The following UBE3B variants were observed in gnomAD, a reference collection of about 807,000 sequenced individuals.
UBE3B encodes ubiquitin-protein ligase E3B.
Under a neutral mutation model 132.3 loss-of-function variants are expected in UBE3B, and 80 were observed. The ratio of observed to expected loss-of-function variants is 0.60; its 90% confidence interval spans 0.50 to 0.73. UBE3B has a LOEUF of 0.73. UBE3B is among the 30% of genes least tolerant of loss of function. UBE3B has a pLI of 0.00. For synonymous variants in UBE3B, 487 were observed against 520.4 expected, an observed-to-expected ratio of 0.94 and a Z score of 0.87; for missense variants, 1,196 against 1,362.5, an observed-to-expected ratio of 0.88 and a Z score of 1.92.
chr12:109,489,832 C>T (rs1046876285), intron 7 of UBE3B, 87 bp from the exon 8 acceptor site: 27 of 1,263,932 alleles, frequency 2.1e-5, no homozygotes, highest in Non-Finnish European at 2.4e-5. Context: ...CTTAGGGCCT[C>T]GGATGTGGGA....
intron 7 of UBE3B, 76 bp from the exon 8 acceptor site, chr12:109,489,843 C>A: frequency 7.3e-7 from 1 of 1,378,200 alleles, no homozygotes; most frequent in Non-Finnish European, 1.0e-6. Flanking sequence ...GGATGTGGGA[C>A]ACAATTTCCT....
intron 9 of UBE3B, among the ~76,000 whole-genome samples, chr12:109,494,272 A>G (rs1566082411): frequency 2.6e-5 from 4 of 152,134 alleles, no homozygotes; most frequent in Admixed American, 2.0e-4. Context: ...TATTCTTTGT[A>G]CTTGCCTCAC....
chr12:109,490,527 C>A, intron 8 of UBE3B: 1 of 1,536,036 alleles, frequency 6.5e-7, no homozygotes, highest in Non-Finnish European at 8.7e-7. Flanking sequence ...GTTTCATATG[C>A]TCCTCACAAC....
intron 13 of UBE3B, 41 bp downstream of exon 13, chr12:109,501,575 G>A: frequency 6.3e-7 from 1 of 1,590,646 alleles, no homozygotes; most frequent in Non-Finnish European, 8.6e-7. Context: ...GCTCCACTTG[G>A]CTGAAGTACA....
At position 109,498,279 on chromosome 12, in the gene UBE3B, T is replaced by C; in HGVS notation, c.866T>C (p.Ile289Thr). Residue 289 changes from isoleucine (I) to threonine (T), a missense_variant, in exon 11 of 28, where the codon ATA (isoleucine) becomes ACA (threonine). Physicochemically the swap from Ile to Thr is moderately conservative, Grantham distance 89. Transcript: ENST00000342494. ...CATGACATGCTTCGTAAATTCATCA[T>C]ATTTTTAAGAGACCAAGATCGATGC... ...ESHDMLRKFI[I>T]FLRDQDRCRD... The C allele has an allele frequency of 6.2e-7, 1 of 1,614,180 alleles. No homozygotes were observed. The highest frequency in any genetic ancestry group is 1.1e-5 in the South Asian group (1 of 91,082).
chr12:109,541,123 G>T (rs748359838), downstream of UBE3B, among the ~76,000 whole-genome samples: 3 of 152,198 alleles, frequency 2.0e-5, no homozygotes, highest in African/African-American at 7.2e-5. Context: ...ATGTTCCAGC[G>T]TGGTCCACCT....
At chr12:109,518,209 C>A (rs528050259) in intron 19 of UBE3B, among the ~76,000 whole-genome samples, 2 of 152,088 alleles carry the variant, frequency 1.3e-5, no homozygotes, top group African/African-American at 4.8e-5. Flanking sequence ...ATAGCCCCCA[C>A]GAGTGAGTTG....
In UBE3B at chr12:109,511,238, G is replaced by A. The variant is rs766067011; in HGVS notation, c.1891G>A (p.Asp631Asn). The A allele has an allele frequency of 6.8e-6, 11 of 1,613,928 alleles. No homozygotes were observed. In the African/African-American group the frequency reaches 9.4e-5, roughly 14 times the overall value. ...ACCTAGCGTGCTCTTCCAAGAACTC[G>A]ACAGGGACAGAAAACGGGCACAGTT... The part of the protein sequence containing the change: ...LKPSVLFQEL[D>N]RDRKRAQLIL... The change falls in exon 18 of 28, where the codon GAC becomes AAC. Residue 631 changes from aspartate to asparagine, a missense_variant. Physicochemically the swap from Asp to Asn is conservative, Grantham distance 23 (BLOSUM62 1). Transcript: ENST00000342494.
chr12:109,501,853 G>A (rs1398514300), intron 13 of UBE3B, among the ~76,000 whole-genome samples: 1 of 151,568 alleles, frequency 6.6e-6, no homozygotes, highest in African/African-American at 2.4e-5. Flanking sequence ...TGTAGAGATG[G>A]GGGCCTTACC....
Position 109,521,049 on chromosome 12 carries a change from TA to T in UBE3B, c.2077-97del. 1 of 1,389,146 alleles carries T rather than the reference TA, an allele frequency of 7.2e-7. No individual in the cohort carries two copies. The highest frequency in any genetic ancestry group is 1.4e-5 in the African/African-American group (1 of 69,542). The allele number at this position is 1,389,146 out of a possible 1,614,324, so 86.1% of individuals were successfully genotyped here. On this transcript the variant is annotated intron_variant, in intron 19 of 27. Transcript: ENST00000342494. The surrounding 1 kb of genome is among the most constrained non-coding windows in gnomAD (Gnocchi z 4.2). ...CACGTTTCATAATTTGCACATTTGG[TA>T]ATGATGCTGGGAGAGCTTCGCACAG...
chr12:109,493,321 G>A (rs1278508334), intron 9 of UBE3B, among the ~76,000 whole-genome samples: 1 of 152,172 alleles, frequency 6.6e-6, no homozygotes, highest in Non-Finnish European at 1.5e-5. Context: ...AAGCTCAGGA[G>A]CAGCTCTGCC....
At position 109,478,098 on chromosome 12, in the gene UBE3B, G is replaced by A. The variant is rs751273435; in HGVS notation, c.-139G>A. ...GGAGTTCGAATACTGTTCGCTCGCTGTGTGACCTTGGGTGAGTTCCCTCAC... is the reference window on the plus strand; with the variant it reads ...GGAGTTCGAATACTGTTCGCTCGCTATGTGACCTTGGGTGAGTTCCCTCAC... On this transcript the variant is annotated 5_prime_UTR_variant, in exon 1 of 28. It adds an upstream start codon to the 5' untranslated region. Transcript: ENST00000342494. The A allele has an allele frequency of 1.1e-4, 17 of 153,412 alleles. No homozygotes were observed. The highest frequency in any genetic ancestry group is 3.4e-4 in the African/African-American group (14 of 41,490). The allele number at this position is 153,412 out of a possible 1,614,324, so 9.5% of individuals were successfully genotyped here.
At position 109,508,862 on chromosome 12, in the gene UBE3B, C is replaced by T. The variant is rs552167677; in HGVS notation, c.1623-734C>T. The T allele has an allele frequency of 1.9e-5, 10 of 532,002 alleles. No individual in the cohort carries two copies. In the South Asian group the frequency reaches 7.3e-4, roughly 39 times the overall value. The allele number at this position is 532,002 out of a possible 1,614,324, so 33.0% of individuals were successfully genotyped here. A position where few individuals can be genotyped will look rare whatever the true frequency, so the allele number is the denominator to read the frequency against. On this transcript the variant is annotated intron_variant, in intron 15 of 27. Transcript: ENST00000342494. Reference sequence around the variant, plus strand: ...CTCACAAATGCTTACTAAGTACCTGCTAAGTGTCACTAGTATGTGTCTTAG... The same window carrying T: ...CTCACAAATGCTTACTAAGTACCTGTTAAGTGTCACTAGTATGTGTCTTAG...
At chr12:109,538,598 A>C (rs1288841502), downstream of UBE3B, among the ~76,000 whole-genome samples, 1 of 152,132 alleles carries the variant, frequency 6.6e-6, no homozygotes, top group African/African-American at 2.4e-5. This position sits in a 1 kb window ranked among gnomAD's most constrained non-coding sequence, Gnocchi z 4.1. Flanking sequence ...CTCTTCCTAC[A>C]TTTCCTCACC....
chr12:109,542,670 G>A, the UBE3B span, among the ~76,000 whole-genome samples: 1 of 152,184 alleles, frequency 6.6e-6, no homozygotes, highest in Non-Finnish European at 1.5e-5. Flanking sequence ...GACAGAGGCA[G>A]AGACTCAAGT....
chr12:109,515,548 T>C (rs919069053), intron 18 of UBE3B, among the ~76,000 whole-genome samples: 1 of 152,234 alleles, frequency 6.6e-6, no homozygotes, highest in Non-Finnish European at 1.5e-5. Context: ...TCTATATTTT[T>C]AGTAGAGTTG....
rs746694145 is a variant in UBE3B at position 109,503,214 on chromosome 12, C to T, written c.1450+24C>T. The T allele has an allele frequency of 2.5e-6, 4 of 1,604,894 alleles. No individual in the cohort carries two copies. The Admixed American group carries it at 5.1e-5, about 20-fold the overall frequency. On this transcript the variant is annotated intron_variant, in intron 14 of 27. Coordinates refer to ENST00000342494, the MANE Select transcript of UBE3B (RefSeq NM_130466.4). Reference sequence around the variant, plus strand: ...AGGTTCGCAGTCCCCAGGGCATCTTCTTCACCTCTCACATTTGGCAGACAG... The same window carrying T: ...AGGTTCGCAGTCCCCAGGGCATCTTTTTCACCTCTCACATTTGGCAGACAG...
rs1298352764 is a variant in UBE3B, at chr12:109,499,670, G to A, written c.978G>A (p.Val326=). ...LLHLGSLSPR[V]LEEETDGFVS... ...ACTTGGGCTCCCTCAGCCCCAGAGT[G>A]TTAGAGGAGGAGACAGATGGGTTCG... The change falls in exon 12 of 28, where the codon GTG becomes GTA. Residue 326 remains valine, a synonymous_variant. Coordinates refer to ENST00000342494, the MANE Select transcript of UBE3B (RefSeq NM_130466.4). The A allele has an allele frequency of 1.9e-6, 3 of 1,611,628 alleles. No individual in the cohort carries two copies. The highest frequency in any genetic ancestry group is 1.7e-5 in the Admixed American group (1 of 59,818).
At chr12:109,504,575 T>G (rs1304155881) in intron 14 of UBE3B, among the ~76,000 whole-genome samples, 4 of 152,196 alleles carry the variant, frequency 2.6e-5, no homozygotes, top group Non-Finnish European at 5.9e-5. Context: ...TGTTGTGTTG[T>G]GGCTGTGACA....
Sources: allele counts gnomAD v4.1 joint callset (sites outside exome capture counted in the v4.1 genomes callset), GRCh38; gene constraint gnomAD v4.1.1; non-coding constraint Gnocchi (gnomAD v3.1); transcripts MANE v1.5; gene names NCBI Gene and HGNC (gene_info 2026-07-23, HGNC 2026-07-21).